RABGAP1L: variants seen among roughly 807,000 people sequenced by gnomAD.
The protein encoded by RABGAP1L is rab GTPase-activating protein 1-like.
In RABGAP1L, 63 loss-of-function variants were observed where a neutral mutation model predicts 137.7. That is an observed-to-expected ratio of 0.46 (90% confidence interval 0.37 to 0.56). The LOEUF is 0.56. RABGAP1L is among the 20% of genes least tolerant of loss of function. RABGAP1L has a pLI of 0.00. For missense variants in RABGAP1L, 1,095 were observed against 1,244.0 expected (o/e 0.88, Z 1.80); for synonymous variants, 431 against 433.7 (o/e 0.99, Z 0.08).
intron 1 of RABGAP1L, among the ~76,000 whole-genome samples, chr1:174,179,552 A>G (rs1458770391): frequency 2.6e-5 from 3 of 114,802 alleles, no homozygotes; most frequent in Non-Finnish European, 4.5e-5. Context: ...GTGCACACAC[A>G]CACACACACA....
intron 1 of RABGAP1L, among the ~76,000 whole-genome samples, chr1:174,195,914 C>T (rs12059434): frequency 0.29 from 41,220 of 144,394 alleles, 6,331 homozygotes; most frequent in African/African-American, 0.36. Context: ...CAGCTCACTG[C>T]AACTTCCACC....
rs71701825 is a variant in RABGAP1L at position 174,664,734 on chromosome 1, CTTTT to C, written c.1825-18770_1825-18767del. 2.4e-4 allele frequency among the ~76,000 whole-genome samples: 23 copies of C among 97,580 alleles called. 1 individual carries two copies. The highest frequency in any genetic ancestry group is 1.5e-4 in the Non-Finnish European group (8 of 54,796). The allele number at this position is 97,580 out of a possible 152,430, so 64.0% of individuals were successfully genotyped here. ...CTCTTTCTTTCTTTCTTTCTGCTTT[CTTTT>C]TTTTTTTTTTTTTTTTTGACAGAGT... On this transcript the variant is annotated intron_variant, in intron 14 of 25. Transcript: ENST00000681986.
At chr1:174,322,688 A>G (rs2148831862) in intron 11 of RABGAP1L, among the ~76,000 whole-genome samples, 1 of 152,254 alleles carries the variant, frequency 6.6e-6, no homozygotes, top group East Asian at 1.9e-4. Context: ...GCCCTTATTT[A>G]CATTGTGTGA....
intron 14 of RABGAP1L, among the ~76,000 whole-genome samples, chr1:174,671,237 T>C (rs973925101): frequency 2.0e-5 from 3 of 152,214 alleles, no homozygotes; most frequent in Non-Finnish European, 2.9e-5. Context: ...TGGTACAGTC[T>C]TTAGGGTTTT....
intron 19 of RABGAP1L, among the ~76,000 whole-genome samples, chr1:174,813,295 T>C (rs755247172): frequency 1.3e-5 from 2 of 152,116 alleles, no homozygotes; most frequent in African/African-American, 4.8e-5. Context: ...CTGAGTATTT[T>C]TGAAAGAGAA....
chr1:174,398,788 A>G (rs972267608), intron 13 of RABGAP1L, among the ~76,000 whole-genome samples: 3 of 152,184 alleles, frequency 2.0e-5, no homozygotes, highest in African/African-American at 7.2e-5. Flanking sequence ...GAAAATAGGT[A>G]TTGAGTAGAA....
At chr1:174,635,035 AAAAAT>A (rs1673842406) in intron 13 of RABGAP1L, among the ~76,000 whole-genome samples, 2 of 151,614 alleles carry the variant, frequency 1.3e-5, no homozygotes, top group South Asian at 4.1e-4. Flanking sequence ...AAGTATAATA[AAAAAT>A]AAAATAATAA....
In RABGAP1L at chr1:174,356,163, T is replaced by C. The variant is rs1396435906; in HGVS notation, c.1466-14816T>C. 2.0e-5 allele frequency among the ~76,000 whole-genome samples: 3 copies of C among 152,178 alleles called. 1 individual carries two copies. Among genetic ancestry groups the C allele is most frequent in the African/African-American group, 7.2e-5 (3 of 41,452 alleles). ...TAGTTAGACAAGTATCATTATTACC[T>C]TTTCAGATCTGTGCTTCTTCCTACA... is the stretch of plus-strand genomic sequence containing the variant. On this transcript the variant is annotated intron_variant, in intron 11 of 25. Coordinates refer to ENST00000681986, the MANE Select transcript of RABGAP1L (RefSeq NM_001366446.1).
In RABGAP1L at chr1:174,708,050, C is replaced by G. The variant is rs187154899; in HGVS notation, c.2169+5794C>G. 3.9e-5 allele frequency among the ~76,000 whole-genome samples: 6 copies of G among 152,232 alleles called. No homozygotes were observed. In the East Asian group the frequency reaches 1.2e-3, roughly 29 times the overall value. ...TTTTTAGAGTACCAAATATGTTCAGCTTTATATAGTAACTTGGTATTTTCA... is the reference window on the plus strand; with the variant it reads ...TTTTTAGAGTACCAAATATGTTCAGGTTTATATAGTAACTTGGTATTTTCA... On this transcript the variant is annotated intron_variant, in intron 17 of 25. Transcript: ENST00000681986.
At chr1:174,779,273 C>CT (rs1686768150) in intron 18 of RABGAP1L, among the ~76,000 whole-genome samples, 1 of 152,138 alleles carries the variant, frequency 6.6e-6, no homozygotes, top group Admixed American at 6.5e-5. Context: ...TAAACCCCAC[C>CT]TTCTTTAAAG....
intron 13 of RABGAP1L, among the ~76,000 whole-genome samples, chr1:174,604,702 G>T (rs1432682487): frequency 6.6e-6 from 1 of 152,108 alleles, no homozygotes; most frequent in African/African-American, 2.4e-5. Flanking sequence ...TGAGGATTCT[G>T]GGAATTTACC....
chr1:174,623,479 A>T (rs754419002), intron 13 of RABGAP1L, among the ~76,000 whole-genome samples: 1 of 152,214 alleles, frequency 6.6e-6, no homozygotes, highest in African/African-American at 2.4e-5. Context: ...TATTACAACT[A>T]TAGAATAGAG....
chr1:174,798,408 A>AC (rs1353620732), intron 18 of RABGAP1L, among the ~76,000 whole-genome samples: 1 of 149,074 alleles, frequency 6.7e-6, no homozygotes, highest in Non-Finnish European at 1.5e-5. Flanking sequence ...GTTTCAAACA[A>AC]AAAAAAAAAG....
At position 174,474,581 on chromosome 1, in the gene RABGAP1L, C is replaced by CTGA. The variant is rs753193674; in HGVS notation, c.1710+80450_1710+80452dup. On this transcript the variant is annotated intron_variant, in intron 13 of 25. Transcript: ENST00000681986. The stretch of plus-strand genomic sequence containing the variant: ...ACCATGGTCATAATATCGAACCTCT[C>CTGA]TGATGATGATGATGATTATTATTAT... Among the ~76,000 whole-genome samples, 245 of 151,978 alleles carry CTGA rather than the reference C, an allele frequency of 1.6e-3. 1 individual carries two copies. Among genetic ancestry groups the CTGA allele is most frequent in the South Asian group, 4.4e-3 (21 of 4,800 alleles).
At chr1:174,897,434 A>C (rs1657393029) in intron 19 of RABGAP1L, 1 of 152,188 alleles carries the variant, frequency 6.6e-6, no homozygotes, top group Non-Finnish European at 1.5e-5. Flanking sequence ...TTCATACTGA[A>C]ATATTCACTT....
intron 19 of RABGAP1L, among the ~76,000 whole-genome samples, chr1:174,856,397 TAAA>T (rs150232187): frequency 1.7e-4 from 20 of 115,222 alleles, no homozygotes; most frequent in South Asian, 2.9e-4. Flanking sequence ...TCCCTCTCAA[TAAA>T]AAAAAAAAAA....
rs547988417 is a variant in RABGAP1L, at chr1:174,428,229, G to A, written c.1710+34084G>A. Among the ~76,000 whole-genome samples, 5 of 152,252 alleles carry A rather than the reference G, an allele frequency of 3.3e-5. No homozygotes were observed. In the East Asian group the frequency reaches 9.6e-4, roughly 29 times the overall value. ...TATCCTTTCAACAAACATGCACTGA[G>A]TACGTATGATTGAAGCACTATGTGT... On this transcript the variant is annotated intron_variant, in intron 13 of 25. Coordinates refer to ENST00000681986, the MANE Select transcript of RABGAP1L (RefSeq NM_001366446.1).
chr1:174,732,969 GT>G (rs1365911828), intron 17 of RABGAP1L, among the ~76,000 whole-genome samples: 1 of 148,190 alleles, frequency 6.7e-6, no homozygotes. Flanking sequence ...TTTTCTAAGT[GT>G]TTTTTTATAT....
In RABGAP1L at chr1:174,257,927, T is replaced by C. The variant is rs972495972; in HGVS notation, c.986+5337T>C. 2.6e-5 allele frequency among the ~76,000 whole-genome samples: 4 copies of C among 152,230 alleles called. No individual in the cohort carries two copies. In the South Asian group the frequency reaches 8.3e-4, roughly 31 times the overall value. On this transcript the variant is annotated intron_variant, in intron 7 of 25. Transcript: ENST00000681986. Reference sequence around the variant, plus strand: ...CAACTATTTTGCTGATGCTAATATCTAACACTTGCAACCTTGGACTCATAT... The same window carrying C: ...CAACTATTTTGCTGATGCTAATATCCAACACTTGCAACCTTGGACTCATAT...
Sources: allele counts gnomAD v4.1 joint callset (sites outside exome capture counted in the v4.1 genomes callset), GRCh38; gene constraint gnomAD v4.1.1; transcripts MANE v1.5; gene names NCBI Gene and HGNC (gene_info 2026-07-23, HGNC 2026-07-21).